Variants in WDR47 observed in about 807,000 individuals in gnomAD.
WDR47 encodes WD repeat-containing protein 47.
In WDR47, 32 loss-of-function variants were observed where a neutral mutation model predicts 97.2. That is an observed-to-expected ratio of 0.33 (90% CI 0.25 to 0.44). The LOEUF is 0.44. WDR47 is among the 20% of genes least tolerant of loss of function. The pLI, the probability that WDR47 is intolerant of heterozygous loss-of-function variation, is 1.00. For synonymous variants in WDR47, 375 were observed against 373.5 expected, an observed-to-expected ratio of 1.00 and a Z score of -0.05; for missense variants, 782 against 1,102.3, an observed-to-expected ratio of 0.71 and a Z score of 4.11.
At chr1:108,997,047 C>T (rs558110474) in intron 7 of WDR47, among the ~76,000 whole-genome samples, 2 of 151,262 alleles carry the variant, frequency 1.3e-5, no homozygotes, top group African/African-American at 4.9e-5. Context: ...ACCTGGGAAG[C>T]GGAGGCTGCA....
At chr1:109,029,600 A>C (rs1428530611) in intron 1 of WDR47, among the ~76,000 whole-genome samples, 1 of 151,934 alleles carries the variant, frequency 6.6e-6, no homozygotes, top group Non-Finnish European at 1.5e-5. Flanking sequence ...TGAACCTGGG[A>C]GGCAGAGTTT....
chr1:109,011,460 G>A lies in WDR47; in HGVS notation c.586C>T (p.Gln196Ter). The change falls in exon 5 of 15, where the codon CAG becomes TAG. Residue 196 changes from glutamine to a stop codon, truncating the protein, a stop_gained. Transcript: ENST00000369962. LOFTEE classifies it high-confidence loss of function. ...GFKASNNRLF[Q>*]LVMKGLLYEC... ...TAAAGCAGGCCTTTCATTACAAGCT[G>A]AAATAAACGATTGTTACTAGCCTTA... The A allele has an allele frequency of 1.2e-6, 2 of 1,614,148 alleles. No homozygotes were observed. The highest frequency in any genetic ancestry group is 1.7e-6 in the Non-Finnish European group (2 of 1,180,032).
intron 12 of WDR47, 61 bp downstream of exon 12, chr1:108,982,548 A>AG: frequency 6.6e-7 from 1 of 1,524,146 alleles, no homozygotes; most frequent in East Asian, 2.3e-5. Flanking sequence ...AAATGCAGAG[A>AG]GGAAAAAAAA....
At chr1:109,029,007 A>G (rs1662425168) in intron 1 of WDR47, among the ~76,000 whole-genome samples, 1 of 152,156 alleles carries the variant, frequency 6.6e-6, no homozygotes. Context: ...GTAAAGAAAT[A>G]AGAGTGTTCT....
intron 1 of WDR47, among the ~76,000 whole-genome samples, chr1:109,032,134 T>C (rs1557965137): frequency 7.2e-6 from 1 of 139,174 alleles, no homozygotes; most frequent in Admixed American, 7.8e-5. Flanking sequence ...GACTAAGGTA[T>C]GTGTGTTCTT....
rs904815920 is a variant in WDR47 at position 108,995,942 on chromosome 1, T to C, written c.1434-105A>G. 11 of 1,158,338 alleles carry C rather than the reference T, an allele frequency of 9.5e-6. No individual in the cohort carries two copies. In the South Asian group the frequency reaches 1.1e-4, roughly 12 times the overall value. 71.8% of individuals were successfully genotyped at this position (1,158,338 alleles called of 1,614,324 possible). A position where few individuals can be genotyped will look rare whatever the true frequency, so the allele number is the denominator to read the frequency against. On this transcript the variant is annotated intron_variant, in intron 7 of 14. Coordinates refer to ENST00000369962, the MANE Select transcript of WDR47 (RefSeq NM_001142551.2). ...AAGGTAAAAATATGCACATATAATATATAATCTATGGCAAATTTAGTGTTA... is the reference window on the plus strand; with the variant it reads ...AAGGTAAAAATATGCACATATAATACATAATCTATGGCAAATTTAGTGTTA...
At chr1:108,990,183 C>T (rs1371873240) in intron 9 of WDR47, among the ~76,000 whole-genome samples, 1 of 152,010 alleles carries the variant, frequency 6.6e-6, no homozygotes, top group Non-Finnish European at 1.5e-5. Context: ...GTGACGTAGT[C>T]ACACCATGTC....
At position 108,991,244 on chromosome 1, in the gene WDR47, A is replaced by G. The variant is rs1659326713; in HGVS notation, c.1767+10T>C. The stretch of plus-strand genomic sequence containing the variant: ...TGAAAACAATAAAACTTCCTTCCCC[A>G]AAGTATTACCTCTTCCCCTTTCGAC... On this transcript the variant is annotated intron_variant, in intron 9 of 14. Transcript: ENST00000369962. The G allele has an allele frequency of 1.2e-6, 2 of 1,601,620 alleles. No individual in the cohort carries two copies. The highest frequency in any genetic ancestry group is 1.1e-5 in the South Asian group (1 of 88,964).
intron 13 of WDR47, among the ~76,000 whole-genome samples, chr1:108,977,361 C>T (rs772992178): frequency 5.3e-5 from 8 of 151,888 alleles, no homozygotes; most frequent in Non-Finnish European, 8.8e-5. Context: ...ACCATGTTGG[C>T]CAGACTGGTC....
chr1:108,996,407 C>A (rs559686953), intron 7 of WDR47, among the ~76,000 whole-genome samples: 2 of 152,250 alleles, frequency 1.3e-5, no homozygotes, highest in South Asian at 4.1e-4. Context: ...AAAAAAAATT[C>A]TTTTTCTTCC....
chr1:109,001,228 G>T (rs1027113360), intron 7 of WDR47, among the ~76,000 whole-genome samples: 10 of 152,132 alleles, frequency 6.6e-5, no homozygotes, highest in African/African-American at 2.4e-4. Flanking sequence ...GTCAGAGGTT[G>T]CAGTGAGCGA....
intron 2 of WDR47, among the ~76,000 whole-genome samples, chr1:109,018,652 A>G (rs1349971857): frequency 6.6e-6 from 1 of 151,802 alleles, no homozygotes; most frequent in Non-Finnish European, 1.5e-5. Context: ...CTGGCTCTAC[A>G]AAAAATACAA....
intron 2 of WDR47, among the ~76,000 whole-genome samples, chr1:109,022,168 G>C (rs969763752): frequency 6.6e-6 from 1 of 152,006 alleles, no homozygotes; most frequent in African/African-American, 2.4e-5. Flanking sequence ...TTAAATATAA[G>C]TTTGTAATCA....
Position 108,986,549 on chromosome 1 carries a change from A to G in WDR47, c.1899T>C (p.Cys633=), listed in dbSNP as rs1184967988. 1 of 1,613,540 alleles carries G rather than the reference A, an allele frequency of 6.2e-7. No homozygotes were observed. Among genetic ancestry groups the G allele is most frequent in the African/African-American group, 1.3e-5 (1 of 75,030 alleles). ...VGSNSKTLRV[C]AYPDVIDPSA... Reference sequence around the variant, plus strand: ...TTGGATCAATTACATCTGGATAGGCACATACTCTCAGAGTTTTTGAATTTG... The same window carrying G: ...TTGGATCAATTACATCTGGATAGGCGCATACTCTCAGAGTTTTTGAATTTG... The change falls in exon 10 of 15, where the codon TGT becomes TGC. Residue 633 remains cysteine (C), a synonymous_variant. Transcript: ENST00000369962.
chr1:109,002,756 G>A (rs1021218483), intron 6 of WDR47, among the ~76,000 whole-genome samples: 10 of 152,102 alleles, frequency 6.6e-5, no homozygotes, highest in African/African-American at 2.2e-4. Flanking sequence ...TATCCATACT[G>A]AGGGACTGCA....
chr1:109,035,264 A>C (rs1232242055), intron 1 of WDR47, among the ~76,000 whole-genome samples: 1 of 151,122 alleles, frequency 6.6e-6, no homozygotes. Flanking sequence ...AAAAAAAAAA[A>C]AACCCCACAC....
At chr1:108,976,371 G>GA (rs369190021) in intron 13 of WDR47, among the ~76,000 whole-genome samples, 8,142 of 132,170 alleles carry the variant, frequency 0.062, 564 homozygotes, top group African/African-American at 0.17. Context: ...TAGGGAAGAG[G>GA]AAAAAAAAAA....
chr1:109,034,673 G>C (rs546680136), intron 1 of WDR47, among the ~76,000 whole-genome samples: 1 of 152,266 alleles, frequency 6.6e-6, no homozygotes, highest in South Asian at 2.1e-4. Context: ...CTCCTTATGT[G>C]AATCTAATGC....
intron 10 of WDR47, among the ~76,000 whole-genome samples, chr1:108,985,819 C>T (rs1383055555): frequency 4.6e-5 from 7 of 152,000 alleles, no homozygotes; most frequent in Admixed American, 4.6e-4. Flanking sequence ...GAGAATTTTG[C>T]CATTCTTTCT....
Sources: allele counts gnomAD v4.1 joint callset (sites outside exome capture counted in the v4.1 genomes callset), GRCh38; gene constraint gnomAD v4.1.1; transcripts MANE v1.5; gene names NCBI Gene and HGNC (gene_info 2026-07-23, HGNC 2026-07-21).